EXD3: variants seen among roughly 807,000 people sequenced by gnomAD.
EXD3 encodes the protein exonuclease mut-7 homolog.
In EXD3, 92 loss-of-function variants were observed where a neutral mutation model predicts 98.0. The ratio of observed to expected loss-of-function variants is 0.94; its 90% CI spans 0.79 to 1.12. The LOEUF is 1.12. Ranked by LOEUF, EXD3 falls within the 50% of genes most tolerant of loss-of-function variation. The pLI is 0.00. For synonymous variants in EXD3, 569 were observed against 526.0 expected, an observed-to-expected ratio of 1.08 and a Z score of -1.12; for missense variants, 1,222 against 1,191.6, an observed-to-expected ratio of 1.03 and a Z score of -0.38.
chr9:137,348,386 C>G lies in EXD3; in HGVS notation c.1831-148G>C. On this transcript the variant is annotated intron_variant, in intron 16 of 21. Coordinates refer to ENST00000340951, the MANE Select transcript of EXD3 (RefSeq NM_017820.5). ...ACTGTGTGTGCTGTGCATAAAACAG[C>G]AGAAACGCAGACAAAATGCAGTGAA... The G allele has an allele frequency of 3.0e-6, 3 of 989,934 alleles. No homozygotes were observed. In the East Asian group the frequency reaches 8.1e-5, roughly 27 times the overall value. The allele number at this position is 989,934 out of a possible 1,614,324, so 61.3% of individuals were successfully genotyped here. A position where few individuals can be genotyped will look rare whatever the true frequency, so the allele number is the denominator to read the frequency against.
intron 7 of EXD3, chr9:137,365,347 G>A (rs1835170424): frequency 6.6e-6 from 1 of 152,584 alleles, no homozygotes; most frequent in Non-Finnish European, 1.5e-5. Flanking sequence ...GGGGCTGTGT[G>A]GGGAATGGAG....
In EXD3 at chr9:137,349,458, T is replaced by C. The variant is rs1399640918; in HGVS notation, c.1568A>G (p.Gln523Arg). ...GTCCAGGGCTGTGCCCAGCACCTGC[T>C]GCACCAGGAGGCTCAGGCCCCTCAG... ...RELRGLSLLV[Q>R]QVLGTALDKT... The change falls in exon 15 of 22, where the codon CAG (glutamine) becomes CGG (arginine). Residue 523 changes from glutamine to arginine, a missense_variant. Physicochemically the swap from Gln to Arg is conservative, Grantham distance 43. Transcript: ENST00000340951. The surrounding 1 kb of genome is among the most constrained non-coding windows in gnomAD (Gnocchi z 7.4). 6.2e-7 allele frequency: 1 copy of C among 1,603,600 alleles called. No individual in the cohort carries two copies. Among genetic ancestry groups the C allele is most frequent in the Admixed American group, 1.7e-5 (1 of 59,342 alleles).
chr9:137,349,810 C>A lies in EXD3; in HGVS notation c.1495-279G>T, dbSNP rs574939564. ...CAGCCCCTCACAGCCTCAGAGAGCC[C>A]GGGCCCTGAGTCTGTGTGGCCAGCT... On this transcript the variant is annotated intron_variant, in intron 14 of 21. Transcript: ENST00000340951. The surrounding 1 kb of genome is among the most constrained non-coding windows in gnomAD (Gnocchi z 7.4). 2.9e-4 allele frequency among the ~76,000 whole-genome samples: 44 copies of A among 152,252 alleles called. No individual in the cohort carries two copies. Among genetic ancestry groups the A allele is most frequent in the African/African-American group, 1.0e-3 (42 of 41,550 alleles).
intron 8 of EXD3, among the ~76,000 whole-genome samples, chr9:137,355,621 G>GGAGGATGGAGAAA (rs1564508880): frequency 2.6e-4 from 1 of 3,850 alleles, no homozygotes; most frequent in Non-Finnish European, 4.5e-4. Flanking sequence ...GAAGGAGGAA[G>GGAGGATGGAGAAA]GGAGGATGGA....
At chr9:137,372,880 G>T in intron 5 of EXD3, 25 bp downstream of exon 5, 2 of 1,595,970 alleles carry the variant, frequency 1.3e-6, no homozygotes, top group South Asian at 1.1e-5. Context: ...GTTTCCCCAT[G>T]AGCCCGGCCA....
intron 5 of EXD3, among the ~76,000 whole-genome samples, chr9:137,372,665 A>G (rs895659521): frequency 2.0e-5 from 3 of 151,978 alleles, no homozygotes; most frequent in African/African-American, 7.3e-5. Context: ...GCAGGGGGAG[A>G]CCCAGGCCTG....
chr9:137,373,106 A>G (rs1835720915), intron 4 of EXD3, 34 bp from the exon 5 acceptor site: 2 of 1,523,406 alleles, frequency 1.3e-6, no homozygotes, highest in Admixed American at 2.0e-5. Flanking sequence ...TACTGGACGC[A>G]GCACCCAGTG....
Position 137,395,156 on chromosome 9 carries a change from T to A in EXD3, c.55+147A>T. ...TCCGGACTCACAAGGTCCCAAGCCGTGGACACTGTAGAGAGGCCCGCAGCT... is the reference window on the plus strand; with the variant it reads ...TCCGGACTCACAAGGTCCCAAGCCGAGGACACTGTAGAGAGGCCCGCAGCT... On this transcript the variant is annotated intron_variant, in intron 2 of 21. Transcript: ENST00000340951. The surrounding 1 kb of genome is among the most constrained non-coding windows in gnomAD (Gnocchi z 6.5). 3 of 725,032 alleles carry A rather than the reference T, an allele frequency of 4.1e-6. No homozygotes were observed. Among genetic ancestry groups the A allele is most frequent in the South Asian group, 1.6e-5 (1 of 61,778 alleles). 44.9% of individuals were successfully genotyped at this position (725,032 alleles called of 1,614,324 possible). A position where few individuals can be genotyped will look rare whatever the true frequency, so the allele number is the denominator to read the frequency against.
chr9:137,381,563 C>T (rs1001989526), intron 3 of EXD3, among the ~76,000 whole-genome samples: 1 of 152,174 alleles, frequency 6.6e-6, no homozygotes, highest in Non-Finnish European at 1.5e-5. Flanking sequence ...CCTGCCTCCT[C>T]CTCCTGCCCG....
intron 7 of EXD3, among the ~76,000 whole-genome samples, chr9:137,364,853 C>T (rs1835144332): frequency 6.6e-6 from 1 of 150,394 alleles, no homozygotes; most frequent in Non-Finnish European, 1.5e-5. Context: ...ACTGCAAGCT[C>T]CGCCTCCTGG....
chr9:137,373,293 C>A, intron 4 of EXD3, 133 bp downstream of exon 4: 1 of 1,200,954 alleles, frequency 8.3e-7, no homozygotes, highest in Non-Finnish European at 1.2e-6. Context: ...TTGGCCATAG[C>A]CCCCAGCATC....
chr9:137,341,556 G>C (rs1833656075), intron 17 of EXD3, among the ~76,000 whole-genome samples: 1 of 141,206 alleles, frequency 7.1e-6, no homozygotes, highest in Non-Finnish European at 1.5e-5. Flanking sequence ...CAGGCACCAG[G>C]AGCCATCTCC....
rs374698744 is a variant in EXD3 at position 137,323,841 on chromosome 9, C to G, written c.2068G>C (p.Gly690Arg). The stretch of plus-strand genomic sequence containing the variant: ...TCGACCGAGAGGCAGCGCCCAGCCC[C>G]GACCTGGGCCCGGAGCTGCAAAGAC... Reference protein sequence around the residue: ...QPFHKLRAQVGAGRCLSVDCS... With the variant: ...QPFHKLRAQVRAGRCLSVDCS... Residue 690 changes from glycine to arginine, a missense_variant, in exon 19 of 22, where the codon GGG becomes CGG. Coordinates refer to ENST00000340951, the MANE Select transcript of EXD3 (RefSeq NM_017820.5). 6 of 1,611,148 alleles carry G rather than the reference C, an allele frequency of 3.7e-6. No individual in the cohort carries two copies. The Admixed American group carries it at 6.7e-5, about 18-fold the overall frequency.
Position 137,348,108 on chromosome 9 carries a change from A to G in EXD3, c.1961T>C (p.Met654Thr). 1 of 1,612,132 alleles carries G rather than the reference A, an allele frequency of 6.2e-7. No homozygotes were observed. The highest frequency in any genetic ancestry group is 1.1e-5 in the South Asian group (1 of 90,988). The change falls in exon 17 of 22, where the codon ATG becomes ACG. Residue 654 changes from methionine to threonine, a missense_variant. Physicochemically the swap from Met to Thr is moderately conservative, Grantham distance 81 (BLOSUM62 -1). Transcript: ENST00000340951. Reference protein sequence around the residue: ...SLRCLGVDARMLGNGEDHRRA... With the variant: ...SLRCLGVDARTLGNGEDHRRA... ...GCGGTGGTCTTCACCATTGCCCAGC[A>G]TGCGTGCATCCACACCGAGACAGCG...
rs1837147569 is a variant in EXD3, at chr9:137,395,227, C to T, written c.55+76G>A. ...TCGTCACTGAGTACACAGTGGGCGC[C>T]ACCACCCCCCATGCACACCCACGCA... On this transcript the variant is annotated intron_variant, in intron 2 of 21. Coordinates refer to ENST00000340951, the MANE Select transcript of EXD3 (RefSeq NM_017820.5). The surrounding 1 kb of genome is among the most constrained non-coding windows in gnomAD (Gnocchi z 6.5). The T allele has an allele frequency of 7.4e-6, 10 of 1,345,622 alleles. No homozygotes were observed. Among genetic ancestry groups the T allele is most frequent in the Non-Finnish European group, 1.1e-5 (10 of 938,530 alleles). 83.4% of individuals were successfully genotyped at this position (1,345,622 alleles called of 1,614,324 possible). A position where few individuals can be genotyped will look rare whatever the true frequency, so the allele number is the denominator to read the frequency against.
chr9:137,416,367 C>T (rs572197191), intron 1 of EXD3, among the ~76,000 whole-genome samples: 59 of 152,324 alleles, frequency 3.9e-4, no homozygotes, highest in Non-Finnish European at 6.2e-4. Flanking sequence ...ACAGCCTCTG[C>T]CACCTTCCCA....
chr9:137,409,903 G>A (rs907769996), intron 1 of EXD3, among the ~76,000 whole-genome samples: 4 of 152,204 alleles, frequency 2.6e-5, no homozygotes, highest in Non-Finnish European at 5.9e-5. Flanking sequence ...CTGGCTGGGC[G>A]CGGTGGCTCA....
chr9:137,384,108 G>T (rs1836464987), intron 2 of EXD3, among the ~76,000 whole-genome samples: 1 of 152,204 alleles, frequency 6.6e-6, no homozygotes, highest in African/African-American at 2.4e-5. Flanking sequence ...ACAGGAGCCT[G>T]GGTGGATTCC....
At chr9:137,419,030 C>T (rs932155404) in intron 1 of EXD3, among the ~76,000 whole-genome samples, 8 of 151,752 alleles carry the variant, frequency 5.3e-5, no homozygotes, top group Admixed American at 1.3e-4. Flanking sequence ...GTTTTTTTCA[C>T]CTGAACTAAC....
Sources: gnomAD v4.1 joint callset for allele counts (sites outside exome capture counted in the v4.1 genomes callset) on GRCh38, gnomAD v4.1.1 for gene constraint, Gnocchi (gnomAD v3.1) non-coding constraint, MANE v1.5 for transcripts, NCBI Gene and HGNC (gene_info 2026-07-23, HGNC 2026-07-21) for gene names.